EPHX2: variants seen among roughly 807,000 people sequenced by gnomAD.
EPHX2 encodes the protein bifunctional epoxide hydrolase 2.
A neutral mutation model predicts 78.7 loss-of-function variants in EPHX2; 74 were observed. That is an observed-to-expected ratio of 0.94 (90% confidence interval 0.78 to 1.14). EPHX2 has a LOEUF of 1.14. Ranked by LOEUF, EPHX2 falls within the 50% of genes most tolerant of loss-of-function variation. EPHX2 has a pLI of 0.00. For missense variants in EPHX2, 715 were observed against 702.5 expected (o/e 1.02, Z -0.20); for synonymous variants, 251 against 255.2 (o/e 0.98, Z 0.16).
At position 27,544,889 on chromosome 8, in the gene EPHX2, TG is replaced by T; in HGVS notation, c.*368del. 4.1e-6 allele frequency: 1 copy of T among 246,662 alleles called. No individual in the cohort carries two copies. Among genetic ancestry groups the T allele is most frequent in the Non-Finnish European group, 7.9e-6 (1 of 127,350 alleles). 15.3% of individuals were successfully genotyped at this position (246,662 alleles called of 1,614,324 possible). ...AGAAGAATCTTAGCAGAGATTGGGA[TG>T]CCTTACTCAATAAAGCTAAGATGAC... On this transcript the variant is annotated 3_prime_UTR_variant, in exon 19 of 19. Coordinates refer to ENST00000521400, the MANE Select transcript of EPHX2 (RefSeq NM_001979.6).
At chr8:27,545,977 G>T (rs1172248332), downstream of EPHX2, among the ~76,000 whole-genome samples, 1 of 152,092 alleles carries the variant, frequency 6.6e-6, no homozygotes, top group African/African-American at 2.4e-5. Flanking sequence ...CTGAGGTTCA[G>T]ATAATTTGCC....
In EPHX2 at chr8:27,491,158, C is replaced by T. The variant is rs765504821; in HGVS notation, c.-51C>T. The stretch of plus-strand genomic sequence containing the variant: ...CGGGTCATGCGCCCTGGCCTTCGCG[C>T]ATCTCCCAGGTTAGCTGCGTGTCCG... On this transcript the variant is annotated 5_prime_UTR_variant, in exon 1 of 19. Transcript: ENST00000521400. The T allele has an allele frequency of 3.3e-6, 5 of 1,516,334 alleles. No individual in the cohort carries two copies. In the East Asian group the frequency reaches 7.6e-5, roughly 23 times the overall value. 93.9% of individuals were successfully genotyped at this position (1,516,334 alleles called of 1,614,324 possible).
intron 15 of EPHX2, 25 bp from the exon 16 acceptor site, chr8:27,541,448 T>C (rs908757701): frequency 1.2e-6 from 2 of 1,613,580 alleles, no homozygotes; most frequent in Non-Finnish European, 1.7e-6. Context: ...TGCCTCCCTC[T>C]TTTTACTTTC....
chr8:27,518,013 A>G, intron 8 of EPHX2, 25 bp from the exon 9 acceptor site: 1 of 1,557,860 alleles, frequency 6.4e-7, no homozygotes, highest in Non-Finnish European at 8.8e-7. Flanking sequence ...TGAATTAAAT[A>G]TGTTTCTTTT....
downstream of EPHX2, among the ~76,000 whole-genome samples, chr8:27,547,467 G>T (rs895093507): frequency 6.6e-6 from 1 of 152,140 alleles, no homozygotes; most frequent in Non-Finnish European, 1.5e-5. Context: ...CATATTCATG[G>T]GGTACATAGT....
At chr8:27,512,860 C>T (rs542420581) in intron 6 of EPHX2, among the ~76,000 whole-genome samples, 1 of 152,274 alleles carries the variant, frequency 6.6e-6, no homozygotes, top group South Asian at 2.1e-4. Context: ...TCTCTCCATG[C>T]CATTTCTGTG....
At chr8:27,520,534 A>T (rs1284057132) in intron 9 of EPHX2, among the ~76,000 whole-genome samples, 2 of 151,862 alleles carry the variant, frequency 1.3e-5, no homozygotes, top group African/African-American at 4.8e-5. Flanking sequence ...TTTAGTAGAG[A>T]TGGGGTTTCA....
chr8:27,505,286 C>A, intron 4 of EPHX2, 140 bp downstream of exon 4: 5 of 794,232 alleles, frequency 6.3e-6, no homozygotes, highest in South Asian at 1.7e-5. Flanking sequence ...CACGTCTTCT[C>A]CTAGAAGACT....
At chr8:27,527,443 G>A (rs1273630081) in intron 12 of EPHX2, among the ~76,000 whole-genome samples, 1 of 152,038 alleles carries the variant, frequency 6.6e-6, no homozygotes, top group Non-Finnish European at 1.5e-5. Context: ...CAGTTCTGTG[G>A]CATTAACCAC....
Position 27,537,280 on chromosome 8 carries a change from A to G in EPHX2, c.1242+425A>G, listed in dbSNP as rs534576922. Among the ~76,000 whole-genome samples the G allele has an allele frequency of 9.9e-5, 15 of 152,200 alleles. 1 individual carries two copies. In the South Asian group the frequency reaches 3.1e-3, roughly 32 times the overall value. On this transcript the variant is annotated intron_variant, in intron 13 of 18. Transcript: ENST00000521400. Reference sequence around the variant, plus strand: ...CTGCTCAAACTGTCCCATATTTTCTACTTTCTTTACTGATCACTTCTTGCA... The same window carrying G: ...CTGCTCAAACTGTCCCATATTTTCTGCTTTCTTTACTGATCACTTCTTGCA...
intron 1 of EPHX2, among the ~76,000 whole-genome samples, chr8:27,497,002 A>T (rs573577002): frequency 6.6e-6 from 1 of 152,216 alleles, no homozygotes. Flanking sequence ...AAAGTCTCCC[A>T]ATTACAACTG....
chr8:27,513,966 G>T (rs1394134362), intron 6 of EPHX2, among the ~76,000 whole-genome samples: 1 of 152,238 alleles, frequency 6.6e-6, no homozygotes, highest in Non-Finnish European at 1.5e-5. Context: ...GAGAGGGTCT[G>T]CCAGATGCCC....
chr8:27,531,446 G>A (rs1815039408), intron 12 of EPHX2, among the ~76,000 whole-genome samples: 1 of 152,150 alleles, frequency 6.6e-6, no homozygotes, highest in Non-Finnish European at 1.5e-5. Context: ...CCCAGATTTC[G>A]GATGCTTCCA....
At chr8:27,516,176 A>G in intron 7 of EPHX2, 144 bp from the exon 8 acceptor site, 1 of 825,892 alleles carries the variant, frequency 1.2e-6, no homozygotes, top group Middle Eastern at 2.7e-4. Context: ...GGCTTATTTC[A>G]GCTCCATGGC....
intron 1 of EPHX2, among the ~76,000 whole-genome samples, chr8:27,492,333 A>C (rs1442148374): frequency 1.3e-5 from 2 of 152,130 alleles, no homozygotes; most frequent in Non-Finnish European, 2.9e-5. Flanking sequence ...AAAGAGCAAG[A>C]CCCTGTCTCT....
At chr8:27,534,205 G>A (rs1815136889) in intron 12 of EPHX2, among the ~76,000 whole-genome samples, 1 of 152,196 alleles carries the variant, frequency 6.6e-6, no homozygotes. Flanking sequence ...CTTACAAAAC[G>A]GAGGGAACTG....
At chr8:27,544,018 A>G (rs942275147) in intron 17 of EPHX2, among the ~76,000 whole-genome samples, 168 bp from the exon 18 acceptor site, 3 of 152,170 alleles carry the variant, frequency 2.0e-5, no homozygotes, top group African/African-American at 7.2e-5. Flanking sequence ...TTTCCCCTGC[A>G]TGGATGTGGG....
chr8:27,543,638 C>T, intron 16 of EPHX2, 111 bp from the exon 17 acceptor site: 1 of 1,068,542 alleles, frequency 9.4e-7, no homozygotes, highest in Non-Finnish European at 1.4e-6. Flanking sequence ...CAAAGTTCGG[C>T]AGATACAACG....
intron 12 of EPHX2, among the ~76,000 whole-genome samples, chr8:27,533,697 C>A (rs1043477094): frequency 2.6e-5 from 4 of 152,200 alleles, no homozygotes; most frequent in Admixed American, 2.6e-4. Context: ...AATCAGTCCT[C>A]CTGCCTCATT....
Sources: allele counts gnomAD v4.1 joint callset (sites outside exome capture counted in the v4.1 genomes callset), GRCh38; gene constraint gnomAD v4.1.1; transcripts MANE v1.5; gene names NCBI Gene and HGNC (gene_info 2026-07-23, HGNC 2026-07-21).